SNTG1: variants seen among roughly 807,000 people sequenced by gnomAD.
SNTG1 encodes the protein syntrophin gamma 1, also known as gamma-1-syntrophin.
In SNTG1, 39 loss-of-function variants were observed where a neutral mutation model predicts 74.7. The observed-to-expected ratio is 0.52, with a 90% CI of 0.40 to 0.68. SNTG1 has a LOEUF of 0.68. Ranked by LOEUF, SNTG1 falls within the 30% of genes least tolerant of loss-of-function variation. The pLI, the probability that SNTG1 is intolerant of heterozygous loss-of-function variation, is 0.00. For synonymous variants in SNTG1, 254 were observed against 217.1 expected (o/e 1.17, Z -1.49); for missense variants, 685 against 609.5 (o/e 1.12, Z -1.30).
chr8:50,175,844 C>G (rs531937436), intron 2 of SNTG1, among the ~76,000 whole-genome samples: 1 of 152,242 alleles, frequency 6.6e-6, no homozygotes, highest in Non-Finnish European at 1.5e-5. Context: ...AAGCCGTCCT[C>G]TTTCTTAAAT....
At chr8:50,368,075 G>A (rs2092165864) in intron 2 of SNTG1, among the ~76,000 whole-genome samples, 1 of 152,102 alleles carries the variant, frequency 6.6e-6, no homozygotes, top group Non-Finnish European at 1.5e-5. Flanking sequence ...GCTGTAGAGA[G>A]GGCTTCACTC....
At chr8:50,719,910 T>A (rs999080314) in intron 17 of SNTG1, among the ~76,000 whole-genome samples, 2 of 152,208 alleles carry the variant, frequency 1.3e-5, no homozygotes, top group Non-Finnish European at 2.9e-5. Flanking sequence ...TGAAGACCTG[T>A]ATACTCCTCT....
chr8:50,603,197 T>C (rs1585817265), intron 13 of SNTG1, among the ~76,000 whole-genome samples: 1 of 152,314 alleles, frequency 6.6e-6, no homozygotes, highest in East Asian at 1.9e-4. Flanking sequence ...ATGTGCTTGA[T>C]TAATTTGTTT....
At chr8:50,646,625 C>A (rs2095110814) in intron 13 of SNTG1, among the ~76,000 whole-genome samples, 1 of 152,100 alleles carries the variant, frequency 6.6e-6, no homozygotes, top group South Asian at 2.1e-4. Flanking sequence ...TATAAAACAC[C>A]TGAAATGCTC....
At chr8:50,779,576 T>G (rs1177821662) in intron 18 of SNTG1, among the ~76,000 whole-genome samples, 1 of 152,152 alleles carries the variant, frequency 6.6e-6, no homozygotes, top group Non-Finnish European at 1.5e-5. Context: ...TTTGCCGAAG[T>G]TGCTTATCAG....
intron 1 of SNTG1, among the ~76,000 whole-genome samples, chr8:50,133,703 C>T (rs766922635): frequency 9.9e-5 from 15 of 152,158 alleles, no homozygotes; most frequent in Non-Finnish European, 1.3e-4. Flanking sequence ...TCCACTGGCA[C>T]ATGGCATCCT....
chr8:50,344,860 G>A (rs1040510243), intron 2 of SNTG1, among the ~76,000 whole-genome samples: 3 of 152,152 alleles, frequency 2.0e-5, no homozygotes, highest in African/African-American at 7.2e-5. Context: ...ACAAGATACG[G>A]CCTTTCAAGG....
At chr8:50,046,600 C>T (rs1246768730) in intron 1 of SNTG1, among the ~76,000 whole-genome samples, 2 of 152,148 alleles carry the variant, frequency 1.3e-5, no homozygotes, top group East Asian at 3.9e-4. Context: ...AGACTTGGGC[C>T]AAGAGTAATC....
rs1272951005 is a variant in SNTG1 at position 50,081,923 on chromosome 8, A to G, written c.-102-90638A>G. Among the ~76,000 whole-genome samples the G allele has an allele frequency of 2.0e-5, 3 of 152,086 alleles. No homozygotes were observed. The East Asian group carries it at 5.8e-4, about 29-fold the overall frequency. ...TAGGATTACAGGCGTGAGCCATTGC[A>G]CCCAGCCTATTCACTTTGATTTAAT... is the stretch of plus-strand genomic sequence containing the variant. On this transcript the variant is annotated intron_variant, in intron 1 of 18. Transcript: ENST00000642720.
intron 4 of SNTG1, among the ~76,000 whole-genome samples, chr8:50,438,119 G>T (rs1587629267): frequency 6.6e-6 from 1 of 152,116 alleles, no homozygotes; most frequent in African/African-American, 2.4e-5. Context: ...CCGAATTCCA[G>T]GCAGGGATGG....
chr8:50,736,913 G>A (rs539148186), intron 17 of SNTG1, among the ~76,000 whole-genome samples: 1 of 152,226 alleles, frequency 6.6e-6, no homozygotes, highest in East Asian at 1.9e-4. Context: ...AGCTAAAGCA[G>A]TGTTTAGAGG....
intron 18 of SNTG1, among the ~76,000 whole-genome samples, chr8:50,773,060 C>T (rs1340659048): frequency 6.6e-6 from 1 of 152,112 alleles, no homozygotes; most frequent in Non-Finnish European, 1.5e-5. Flanking sequence ...CTGTAAGTTA[C>T]CCAGCCTCAG....
chr8:50,339,396 T>C (rs958850823), intron 2 of SNTG1, among the ~76,000 whole-genome samples: 2 of 152,052 alleles, frequency 1.3e-5, no homozygotes, highest in African/African-American at 4.8e-5. Context: ...ATCTTGTTTA[T>C]ATTTAATTTA....
At chr8:50,343,318 C>T (rs186020955) in intron 2 of SNTG1, among the ~76,000 whole-genome samples, 6 of 152,202 alleles carry the variant, frequency 3.9e-5, no homozygotes, top group East Asian at 3.9e-4. Context: ...AAATGGAAGA[C>T]GTTTATATCC....
At chr8:50,679,001 TTAAA>T (rs2095320755) in intron 15 of SNTG1, among the ~76,000 whole-genome samples, 1 of 152,110 alleles carries the variant, frequency 6.6e-6, no homozygotes, top group Non-Finnish European at 1.5e-5. Context: ...AAAATGGTTT[TTAAA>T]TAATAGCTAC....
chr8:49,958,842 T>C (rs1035448642), intron 1 of SNTG1, among the ~76,000 whole-genome samples: 5 of 152,196 alleles, frequency 3.3e-5, no homozygotes, highest in African/African-American at 1.2e-4. Context: ...GAAAGATAAT[T>C]CTTATTATCA....
chr8:49,920,663 T>C (rs766019311), intron 1 of SNTG1, among the ~76,000 whole-genome samples: 3 of 152,082 alleles, frequency 2.0e-5, no homozygotes, highest in Non-Finnish European at 4.4e-5. Flanking sequence ...GAAGGGTTCA[T>C]GTGTTATCTT....
At chr8:50,538,133 CTGGT>C (rs1344926949) in intron 11 of SNTG1, among the ~76,000 whole-genome samples, 1 of 152,152 alleles carries the variant, frequency 6.6e-6, no homozygotes, top group African/African-American at 2.4e-5. Context: ...TCACAGTCTA[CTGGT>C]AACGTTTTAC....
intron 15 of SNTG1, among the ~76,000 whole-genome samples, chr8:50,661,825 T>C (rs1397164123): frequency 6.6e-6 from 1 of 152,076 alleles, no homozygotes; most frequent in Non-Finnish European, 1.5e-5. Flanking sequence ...TACCTTCAAT[T>C]GTTGTATGTA....
Sources: allele counts gnomAD v4.1 joint callset (sites outside exome capture counted in the v4.1 genomes callset), GRCh38; gene constraint gnomAD v4.1.1; transcripts MANE v1.5; gene names NCBI Gene and HGNC (gene_info 2026-07-23, HGNC 2026-07-21).